PTPRN2: variants seen among roughly 807,000 people sequenced by gnomAD.
The protein encoded by PTPRN2 is protein tyrosine phosphatase receptor type N2.
In PTPRN2, 74 loss-of-function variants were observed where a neutral mutation model predicts 118.8. That is an observed-to-expected ratio of 0.62 (90% CI 0.52 to 0.76). The LOEUF (loss-of-function observed/expected upper bound fraction) is 0.76. PTPRN2 is among the 30% of genes least tolerant of loss of function. The probability of loss-of-function intolerance (pLI) is 0.00; values close to 1 mark genes in which losing one functional copy is unlikely to be tolerated. For missense variants in PTPRN2, 1,481 were observed against 1,394.4 expected, an observed-to-expected ratio of 1.06 and a Z score of -0.99; for synonymous variants, 641 against 608.0, an observed-to-expected ratio of 1.05 and a Z score of -0.80.
chr7:157,715,731 C>T (rs1009653538), intron 12 of PTPRN2, among the ~76,000 whole-genome samples: 14 of 152,184 alleles, frequency 9.2e-5, no homozygotes, highest in Non-Finnish European at 1.8e-4. Flanking sequence ...GTCCAAGCAG[C>T]ACATCGTGGA....
rs58929372 is a variant in PTPRN2 at position 158,526,117 on chromosome 7, T to A, written c.113-36332A>T. On this transcript the variant is annotated intron_variant, in intron 1 of 22. Transcript: ENST00000389418. This position sits in a 1 kb window ranked among gnomAD's most constrained non-coding sequence, Gnocchi z 5.2. ...GCCCAGTCCCTGAGGAGATGATGAC[T>A]TCCTACAGCTTCTGAAAGGGCCCGC... is the stretch of plus-strand genomic sequence containing the variant. Among the ~76,000 whole-genome samples, 4,894 of 152,224 alleles carry A rather than the reference T, an allele frequency of 0.032. 284 individuals carry two copies. The highest frequency in any genetic ancestry group is 0.11 in the African/African-American group (4,631 of 41,498).
At chr7:157,562,994 T>G (rs1330251956) in intron 21 of PTPRN2, among the ~76,000 whole-genome samples, 4 of 102,528 alleles carry the variant, frequency 3.9e-5, no homozygotes, top group Admixed American at 1.1e-4. Flanking sequence ...ACACAGCAGA[T>G]CAGGACCACA....
At chr7:157,951,415 C>A (rs1197346980) in intron 11 of PTPRN2, among the ~76,000 whole-genome samples, 2 of 152,160 alleles carry the variant, frequency 1.3e-5, no homozygotes, top group African/African-American at 4.8e-5. Flanking sequence ...GTGCACACAC[C>A]CCTTTCCATC....
chr7:158,132,646 A>G (rs1032707678), intron 9 of PTPRN2, among the ~76,000 whole-genome samples: 6 of 151,664 alleles, frequency 4.0e-5, no homozygotes, highest in African/African-American at 1.5e-4. Context: ...ATGCAGATAC[A>G]CATCTACCCT....
chr7:158,191,507 G>A (rs1376446008), intron 5 of PTPRN2, among the ~76,000 whole-genome samples: 8 of 152,148 alleles, frequency 5.3e-5, no homozygotes, highest in Admixed American at 5.2e-4. Flanking sequence ...GGCTCCAAAG[G>A]TGATTTCTGC....
In PTPRN2 at chr7:158,003,636, A is replaced by C. The variant is rs1250811936; in HGVS notation, c.1723+77662T>G. ...AGGCCTTGGGGACTGCAGAGGATGGATGTCTGCCCCACCTGTGGGGCTTCA... is the reference window on the plus strand; with the variant it reads ...AGGCCTTGGGGACTGCAGAGGATGGCTGTCTGCCCCACCTGTGGGGCTTCA... On this transcript the variant is annotated intron_variant, in intron 11 of 22. Transcript: ENST00000389418. This position sits in a 1 kb window ranked among gnomAD's most constrained non-coding sequence, Gnocchi z 5.0. Among the ~76,000 whole-genome samples, 2 of 151,884 alleles carry C rather than the reference A, an allele frequency of 1.3e-5. No homozygotes were observed. Among genetic ancestry groups the C allele is most frequent in the Non-Finnish European group, 2.9e-5 (2 of 67,970 alleles).
intron 2 of PTPRN2, among the ~76,000 whole-genome samples, chr7:158,422,986 T>A (rs2129423857): frequency 6.6e-6 from 1 of 152,338 alleles, no homozygotes; most frequent in South Asian, 2.1e-4. Flanking sequence ...CGATAGCCAA[T>A]CAGGGCCCAC....
intron 20 of PTPRN2, among the ~76,000 whole-genome samples, chr7:157,570,243 T>C (rs867758413): frequency 4.6e-5 from 7 of 152,270 alleles, no homozygotes; most frequent in South Asian, 2.1e-4. Context: ...TTGTCTCCTA[T>C]GCACAGCATA....
intron 11 of PTPRN2, among the ~76,000 whole-genome samples, chr7:157,930,775 C>A (rs1473999445): frequency 1.3e-5 from 2 of 152,226 alleles, no homozygotes; most frequent in Non-Finnish European, 2.9e-5. Context: ...GCCACACTTC[C>A]CAGGCTGCTC....
chr7:158,495,793 G>A (rs1821800788), intron 1 of PTPRN2, among the ~76,000 whole-genome samples: 1 of 152,188 alleles, frequency 6.6e-6, no homozygotes, highest in East Asian at 1.9e-4. Context: ...GGCTGGGCGT[G>A]GGAGGACAGA....
chr7:157,785,214 G>T lies in PTPRN2; in HGVS notation c.1789-102277C>A, dbSNP rs1255167695. 6.6e-6 allele frequency among the ~76,000 whole-genome samples: 1 copy of T among 151,840 alleles called. No homozygotes were observed. ...AGCAGGATAACCCGGGCCCACGTGGGGACACGCCCCGCCCCACAGGCTTGC... is the reference window on the plus strand; with the variant it reads ...AGCAGGATAACCCGGGCCCACGTGGTGACACGCCCCGCCCCACAGGCTTGC... On this transcript the variant is annotated intron_variant, in intron 12 of 22. Coordinates refer to ENST00000389418, the MANE Select transcript of PTPRN2 (RefSeq NM_002847.5). The surrounding 1 kb of genome is among the most constrained non-coding windows in gnomAD (Gnocchi z 7.3).
At chr7:157,797,355 A>G (rs964391431) in intron 12 of PTPRN2, among the ~76,000 whole-genome samples, 1 of 152,184 alleles carries the variant, frequency 6.6e-6, no homozygotes, top group East Asian at 1.9e-4. Flanking sequence ...GCTCATCTTA[A>G]TTCTCCTGAG....
At chr7:158,056,941 CA>C (rs1450211732) in intron 11 of PTPRN2, among the ~76,000 whole-genome samples, 1 of 152,224 alleles carries the variant, frequency 6.6e-6, no homozygotes, top group Non-Finnish European at 1.5e-5. Flanking sequence ...TCCAGGCTCA[CA>C]ATGTCGCCCT....
intron 12 of PTPRN2, among the ~76,000 whole-genome samples, chr7:157,819,263 C>T (rs1806641849): frequency 6.6e-6 from 1 of 152,160 alleles, no homozygotes; most frequent in South Asian, 2.1e-4. Context: ...GCCCTCACCC[C>T]CATGCCTCAT....
intron 14 of PTPRN2, among the ~76,000 whole-genome samples, chr7:157,623,430 T>C (rs1201897205): frequency 6.6e-6 from 1 of 152,180 alleles, no homozygotes; most frequent in East Asian, 1.9e-4. Flanking sequence ...GCTCTTTTCA[T>C]AAAATCCATC....
chr7:158,252,412 G>A (rs1796745343), intron 3 of PTPRN2, among the ~76,000 whole-genome samples: 1 of 152,176 alleles, frequency 6.6e-6, no homozygotes, highest in South Asian at 2.1e-4. Context: ...CGGGAATGGA[G>A]CCTTTCTAGG....
At chr7:158,075,916 G>A (rs191137699) in intron 11 of PTPRN2, among the ~76,000 whole-genome samples, 105 of 152,340 alleles carry the variant, frequency 6.9e-4, no homozygotes, top group East Asian at 6.6e-3. Flanking sequence ...CACGTGCAGC[G>A]GAACCTGGAG....
At chr7:158,046,203 A>G (rs953671643) in intron 11 of PTPRN2, among the ~76,000 whole-genome samples, 1 of 149,864 alleles carries the variant, frequency 6.7e-6, no homozygotes, top group Non-Finnish European at 1.5e-5. Flanking sequence ...TGGCATCCTG[A>G]CACTGCCTTG....
chr7:157,921,016 A>C (rs1798665825), intron 11 of PTPRN2, among the ~76,000 whole-genome samples: 1 of 152,190 alleles, frequency 6.6e-6, no homozygotes. Flanking sequence ...GTCCATACAA[A>C]AATATGCACA....
Sources: gnomAD v4.1 joint callset for allele counts (sites outside exome capture counted in the v4.1 genomes callset) on GRCh38, gnomAD v4.1.1 for gene constraint, Gnocchi (gnomAD v3.1) non-coding constraint, MANE v1.5 for transcripts, NCBI Gene and HGNC (gene_info 2026-07-23, HGNC 2026-07-21) for gene names.